CAB39L: variants seen among roughly 807,000 people sequenced by gnomAD.
The protein encoded by CAB39L is calcium binding protein 39 like, also known as calcium-binding protein 39-like.
Under a neutral mutation model 39.1 loss-of-function variants are expected in CAB39L, and 23 were observed. The observed-to-expected ratio is 0.59, with a 90% CI of 0.42 to 0.83. The LOEUF (loss-of-function observed/expected upper bound fraction) is 0.83. Among genes scored for constraint, CAB39L ranks in the 40% least tolerant of loss-of-function variants. The pLI is 0.00. For synonymous variants in CAB39L, 126 were observed against 137.2 expected (o/e 0.92, Z 0.57); for missense variants, 366 against 391.9 (o/e 0.93, Z 0.56).
intron 3 of CAB39L, chr13:49,413,977 G>C (rs922076804): frequency 6.8e-6 from 1 of 147,782 alleles, no homozygotes; most frequent in Admixed American, 6.8e-5. Context: ...CAACAAAACA[G>C]AGACTCTTCC....
intron 10 of CAB39L, among the ~76,000 whole-genome samples, chr13:49,313,726 C>A (rs1954070259): frequency 6.6e-6 from 1 of 152,204 alleles, no homozygotes; most frequent in African/African-American, 2.4e-5. Flanking sequence ...TCTCTGAGCC[C>A]TACAGAGCTC....
chr13:49,398,926 C>T (rs557683191), intron 3 of CAB39L, among the ~76,000 whole-genome samples: 2 of 152,160 alleles, frequency 1.3e-5, no homozygotes, highest in Admixed American at 1.3e-4. Flanking sequence ...AGCACCATTC[C>T]TACTCATTCA....
At chr13:49,385,912 T>C (rs7317630) in intron 3 of CAB39L, among the ~76,000 whole-genome samples, 82,869 of 151,410 alleles carry the variant, frequency 0.55, 24,007 homozygotes, top group African/African-American at 0.73. Context: ...TAACAAAATG[T>C]ATCAAGAGAT....
rs1356254577 is a variant in CAB39L, at chr13:49,416,109, A to G, written c.-32+17209T>C. On this transcript the variant is annotated intron_variant, in intron 3 of 10. Coordinates refer to ENST00000409308, the MANE Select transcript of CAB39L (RefSeq NM_001079670.3). ...AACAAGCAAAGAGCATTTATGCTGA[A>G]CCACATCTTCTGGAAAGTCTTGCTT... Among the ~76,000 whole-genome samples the G allele has an allele frequency of 5.3e-5, 8 of 152,340 alleles. No individual in the cohort carries two copies. In the South Asian group the frequency reaches 1.7e-3, roughly 32 times the overall value.
chr13:49,373,911 G>T (rs562389444), intron 5 of CAB39L, among the ~76,000 whole-genome samples: 2 of 152,328 alleles, frequency 1.3e-5, no homozygotes, highest in Non-Finnish European at 2.9e-5. Flanking sequence ...GAGAGTTGCT[G>T]CCTGCAGGCT....
Position 49,375,785 on chromosome 13 carries a change from T to TA in CAB39L, c.276+1181dup, listed in dbSNP as rs1325747356. Among the ~76,000 whole-genome samples the TA allele has an allele frequency of 2.2e-5, 3 of 138,124 alleles. No individual in the cohort carries two copies. In the East Asian group the frequency reaches 5.9e-4, roughly 27 times the overall value. 90.6% of individuals were successfully genotyped at this position (138,124 alleles called of 152,430 possible). ...CGTTGTGCGCATGTACCCTAGAACT[T>TA]AAAGTATAATTTAAAAAAATTGAAA... is the stretch of plus-strand genomic sequence containing the variant. On this transcript the variant is annotated intron_variant, in intron 5 of 10. Transcript: ENST00000409308.
rs1420989722 is a variant in CAB39L, at chr13:49,377,482, G to C, written c.112-351C>G. ...AGCTGGACTGTACTGCTGCCATCTC[G>C]GCTCACTGCAACCTCCCTGCCTGAT... On this transcript the variant is annotated intron_variant, in intron 4 of 10. Coordinates refer to ENST00000409308, the MANE Select transcript of CAB39L (RefSeq NM_001079670.3). Among the ~76,000 whole-genome samples, 10 of 92,226 alleles carry C rather than the reference G, an allele frequency of 1.1e-4. 2 individuals carry two copies. Among genetic ancestry groups the C allele is most frequent in the Non-Finnish European group, 2.0e-4 (9 of 45,754 alleles). 60.5% of individuals were successfully genotyped at this position (92,226 alleles called of 152,430 possible). A position where few individuals can be genotyped will look rare whatever the true frequency, so the allele number is the denominator to read the frequency against.
At chr13:49,390,962 A>G (rs1173014295) in intron 3 of CAB39L, among the ~76,000 whole-genome samples, 1 of 152,236 alleles carries the variant, frequency 6.6e-6, no homozygotes, top group Non-Finnish European at 1.5e-5. Flanking sequence ...CAACAAATAA[A>G]AAGGAAGCAA....
intron 3 of CAB39L, among the ~76,000 whole-genome samples, chr13:49,421,131 C>CCCACTCTGGATACTGGTGAAG (rs1436004758): frequency 6.6e-6 from 1 of 152,082 alleles, no homozygotes; most frequent in African/African-American, 2.4e-5. Context: ...CTTTCTATAT[C>CCCACTCTGGATACTGGTGAAG]CCACTCTGGA....
chr13:49,350,778 A>C lies in CAB39L; in HGVS notation c.530T>G (p.Phe177Cys). ...DFFKYVELST[F>C]DIASDAFATF... ...AGCAAAGGCATCTGAAGCAATATCAAATGTTGACAACTCCACGTACTTAAA... is the reference window on the plus strand; with the variant it reads ...AGCAAAGGCATCTGAAGCAATATCACATGTTGACAACTCCACGTACTTAAA... The change falls in exon 7 of 11, where the codon TTT becomes TGT. Residue 177 changes from phenylalanine (F) to cysteine (C), a missense_variant. Phe to Cys is a radical substitution (Grantham distance 205). Coordinates refer to ENST00000409308, the MANE Select transcript of CAB39L (RefSeq NM_001079670.3). 6.3e-7 allele frequency: 1 copy of C among 1,585,654 alleles called. No individual in the cohort carries two copies. Among genetic ancestry groups the C allele is most frequent in the Non-Finnish European group, 8.6e-7 (1 of 1,167,958 alleles).
Position 49,412,694 on chromosome 13 carries a change from TC to T in CAB39L, c.-32+20623del, listed in dbSNP as rs76306726. ...GGATGGTTTTGTGGAAAGCCATTCT[TC>T]CACGGACCTGGAGGTTGGGATGCAG... On this transcript the variant is annotated intron_variant, in intron 3 of 10. Coordinates refer to ENST00000409308, the MANE Select transcript of CAB39L (RefSeq NM_001079670.3). Among the ~76,000 whole-genome samples the T allele has an allele frequency of 3.1e-3, 472 of 152,300 alleles. 6 individuals are homozygous for T. Among genetic ancestry groups the T allele is most frequent in the East Asian group, 0.031 (160 of 5,188 alleles).
chr13:49,432,374 G>A (rs552549470), intron 3 of CAB39L, among the ~76,000 whole-genome samples: 2 of 152,242 alleles, frequency 1.3e-5, no homozygotes, highest in South Asian at 2.1e-4. Flanking sequence ...GGGCTCAAGC[G>A]ATCCTCTTGC....
chr13:49,361,493 A>G (rs1050002113), intron 5 of CAB39L, among the ~76,000 whole-genome samples: 4 of 150,102 alleles, frequency 2.7e-5, no homozygotes, highest in Admixed American at 6.7e-5. Flanking sequence ...AAAAAAAAAA[A>G]AAAAAAAGAG....
At chr13:49,317,627 A>G (rs1484767466) in intron 10 of CAB39L, among the ~76,000 whole-genome samples, 1 of 152,236 alleles carries the variant, frequency 6.6e-6, no homozygotes. Flanking sequence ...CTAAATAAAA[A>G]GTAAAATCAA....
chr13:49,356,062 T>G (rs1356338107), intron 6 of CAB39L, among the ~76,000 whole-genome samples: 1 of 152,072 alleles, frequency 6.6e-6, no homozygotes, highest in African/African-American at 2.4e-5. Flanking sequence ...TCTAGCAAAA[T>G]GACGGAATCA....
At chr13:49,436,063 T>A (rs1322787) in intron 1 of CAB39L, among the ~76,000 whole-genome samples, 1 of 152,030 alleles carries the variant, frequency 6.6e-6, no homozygotes, top group South Asian at 2.1e-4. Context: ...GAATGAGTCA[T>A]AGTTATAAAA....
chr13:49,430,866 A>G (rs982227010), intron 3 of CAB39L, among the ~76,000 whole-genome samples: 4 of 152,162 alleles, frequency 2.6e-5, no homozygotes, highest in South Asian at 2.1e-4. Context: ...TTCTCTTCCT[A>G]TTTTCATAGA....
intron 3 of CAB39L, among the ~76,000 whole-genome samples, chr13:49,394,715 C>T (rs1223206279): frequency 6.6e-6 from 1 of 152,002 alleles, no homozygotes; most frequent in South Asian, 2.1e-4. Flanking sequence ...AAACTTTTTA[C>T]AATTATTTTA....
intron 10 of CAB39L, among the ~76,000 whole-genome samples, chr13:49,321,548 A>G (rs1003543553): frequency 8.5e-5 from 13 of 152,214 alleles, no homozygotes; most frequent in African/African-American, 3.1e-4. Flanking sequence ...CTGTGTGTGC[A>G]GCGTGCGCCT....
Sources: allele counts gnomAD v4.1 joint callset (sites outside exome capture counted in the v4.1 genomes callset), GRCh38; gene constraint gnomAD v4.1.1; transcripts MANE v1.5; gene names NCBI Gene and HGNC (gene_info 2026-07-23, HGNC 2026-07-21).